Variants in CAST observed in about 807,000 individuals in gnomAD.
CAST encodes the protein MIR583 host.
CAST carries 76 observed loss-of-function variants against 119.6 expected under a neutral mutation model. The ratio of observed to expected loss-of-function variants is 0.64; its 90% CI spans 0.53 to 0.77. The LOEUF (loss-of-function observed/expected upper bound fraction) is 0.77, where lower values mean the gene tolerates loss of function less well. Ranked by LOEUF, CAST falls within the 30% of genes least tolerant of loss-of-function variation. The pLI, the probability that CAST is intolerant of heterozygous loss-of-function variation, is 0.00. For synonymous variants in CAST, 319 were observed against 331.6 expected (o/e 0.96, Z 0.41); for missense variants, 953 against 946.5 (o/e 1.01, Z -0.09).
At chr5:96,359,339 G>C in the CAST span, among the ~76,000 whole-genome samples, 1 of 152,142 alleles carries the variant, frequency 6.6e-6, no homozygotes, top group South Asian at 2.1e-4. Context: ...TACATTTAAG[G>C]TTAATATTGT....
chr5:96,275,742 G>A, the CAST span, among the ~76,000 whole-genome samples: 1 of 152,162 alleles, frequency 6.6e-6, no homozygotes, highest in Non-Finnish European at 1.5e-5. Context: ...TACTAGCATG[G>A]CAGAATCTAA....
chr5:96,652,637 C>T (rs1376826890), intron 1 of CAST, among the ~76,000 whole-genome samples: 3 of 152,160 alleles, frequency 2.0e-5, no homozygotes, highest in African/African-American at 7.2e-5. Flanking sequence ...TTGGCCTAAC[C>T]CACTCAGGGA....
At chr5:96,419,874 C>G in the CAST span, among the ~76,000 whole-genome samples, 1 of 152,048 alleles carries the variant, frequency 6.6e-6, no homozygotes, top group African/African-American at 2.4e-5. Flanking sequence ...TGTTCCATCT[C>G]CTGACTGGAA....
the CAST span, among the ~76,000 whole-genome samples, chr5:96,470,700 C>A: frequency 6.6e-6 from 1 of 151,948 alleles, no homozygotes; most frequent in Non-Finnish European, 1.5e-5. Context: ...TCATAAATAG[C>A]CTTTGATTCT....
At chr5:96,691,992 A>C (rs1752779487) in intron 2 of CAST, among the ~76,000 whole-genome samples, 1 of 152,218 alleles carries the variant, frequency 6.6e-6, no homozygotes, top group Admixed American at 6.5e-5. Context: ...TGACTCAGTA[A>C]AAAATTTTTT....
the CAST span, among the ~76,000 whole-genome samples, chr5:95,997,967 T>G: frequency 3.8e-5 from 5 of 131,866 alleles, no homozygotes; most frequent in Non-Finnish European, 8.0e-5. Flanking sequence ...GAGAGGGTTT[T>G]TTTTTTTTTT....
At chr5:96,266,218 T>A in the CAST span, among the ~76,000 whole-genome samples, 1 of 152,210 alleles carries the variant, frequency 6.6e-6, no homozygotes, top group East Asian at 1.9e-4. Flanking sequence ...ACTTTCATAT[T>A]TGTAATGCCT....
the CAST span, among the ~76,000 whole-genome samples, chr5:96,509,229 G>A: frequency 6.6e-6 from 1 of 152,176 alleles, no homozygotes; most frequent in African/African-American, 2.4e-5. Context: ...AAATAGCCAA[G>A]AGGGCTACAA....
At chr5:96,062,488 C>T in the CAST span, among the ~76,000 whole-genome samples, 1 of 152,120 alleles carries the variant, frequency 6.6e-6, no homozygotes, top group Non-Finnish European at 1.5e-5. Flanking sequence ...TTTGGGCTTC[C>T]AGTCCCCACA....
chr5:96,392,899 TA>T, the CAST span: 1 of 1,164,484 alleles, frequency 8.6e-7, no homozygotes, highest in Non-Finnish European at 1.3e-6. Flanking sequence ...AAGGATATTA[TA>T]AGCATAAGAA....
At chr5:96,288,786 A>G in the CAST span, among the ~76,000 whole-genome samples, 1 of 152,158 alleles carries the variant, frequency 6.6e-6, no homozygotes, top group Admixed American at 6.5e-5. Context: ...TATTAAAGAC[A>G]TGGATAAAAA....
At chr5:96,575,667 G>T (rs1256474879) in intron 1 of CAST, among the ~76,000 whole-genome samples, 1 of 151,082 alleles carries the variant, frequency 6.6e-6, no homozygotes, top group Non-Finnish European at 1.5e-5. Flanking sequence ...TTTTAAGACG[G>T]AGTCTCACTC....
chr5:96,525,107 C>T (rs1027827669), upstream of CAST, among the ~76,000 whole-genome samples: 2 of 152,220 alleles, frequency 1.3e-5, no homozygotes, highest in African/African-American at 4.8e-5. Context: ...CAGGTCTATT[C>T]TGTGACATGG....
rs1188246406 is a variant in CAST at position 96,758,934 on chromosome 5, A to G, written c.1833+1280A>G. The stretch of plus-strand genomic sequence containing the variant: ...AGAACAGATGAACAAATAGTGGGGA[A>G]CAAGATCTCAATTCCCTTCCTCCTC... On this transcript the variant is annotated intron_variant, in intron 24 of 31. Transcript: ENST00000675179. 2.0e-5 allele frequency among the ~76,000 whole-genome samples: 3 copies of G among 152,194 alleles called. No individual in the cohort carries two copies. In the South Asian group the frequency reaches 6.2e-4, roughly 32 times the overall value.
chr5:96,528,688 A>G (rs1176449203), upstream of CAST, among the ~76,000 whole-genome samples: 1 of 152,242 alleles, frequency 6.6e-6, no homozygotes, highest in Non-Finnish European at 1.5e-5. Context: ...AATTTCTGAG[A>G]ATTGTTTTCA....
the CAST span, among the ~76,000 whole-genome samples, chr5:96,097,405 C>T: frequency 2.6e-5 from 4 of 151,464 alleles, no homozygotes; most frequent in Non-Finnish European, 2.9e-5. Flanking sequence ...AAACTTGTGC[C>T]ATGGGGTTTG....
intron 1 of CAST, among the ~76,000 whole-genome samples, chr5:96,540,558 T>C (rs988085027): frequency 6.6e-6 from 1 of 152,246 alleles, no homozygotes; most frequent in Non-Finnish European, 1.5e-5. Context: ...TTTAGGATAG[T>C]ACATTTCTTA....
intron 1 of CAST, among the ~76,000 whole-genome samples, chr5:96,654,036 T>G (rs1160018339): frequency 6.8e-6 from 1 of 146,818 alleles, no homozygotes; most frequent in Non-Finnish European, 1.5e-5. Context: ...TCTTTTTTTT[T>G]TTTTTTGAGA....
the CAST span, among the ~76,000 whole-genome samples, chr5:96,500,061 C>A: frequency 6.6e-6 from 1 of 152,106 alleles, no homozygotes; most frequent in Non-Finnish European, 1.5e-5. Context: ...AAGTTCGCCG[C>A]CTCATATGGG....
Sources: allele counts gnomAD v4.1 joint callset (sites outside exome capture counted in the v4.1 genomes callset), GRCh38; gene constraint gnomAD v4.1.1; transcripts MANE v1.5; gene names NCBI Gene and HGNC (gene_info 2026-07-23, HGNC 2026-07-21).